Variants in ANK3 observed in about 807,000 individuals in gnomAD.
The protein encoded by ANK3 is ankyrin 3.
A neutral mutation model predicts 370.9 loss-of-function variants in ANK3; 57 were observed. The ratio of observed to expected loss-of-function variants is 0.15; its 90% confidence interval spans 0.12 to 0.19. ANK3 has a LOEUF of 0.19. Among genes scored for constraint, ANK3 ranks in the 10% least tolerant of loss-of-function variants. The pLI is 1.00. For synonymous variants in ANK3, 1,929 were observed against 1,946.3 expected, an observed-to-expected ratio of 0.99 and a Z score of 0.23; for missense variants, 4,439 against 5,302.1, an observed-to-expected ratio of 0.84 and a Z score of 5.06.
At chr10:60,137,342 C>T (rs1320435080) in intron 24 of ANK3, 7 of 318,280 alleles carry the variant, frequency 2.2e-5, no homozygotes, top group Non-Finnish European at 3.5e-5. Flanking sequence ...GTCTTCTTAC[C>T]TTATCTTGGG....
At chr10:60,681,797 C>A (rs967776517) in intron 1 of ANK3, among the ~76,000 whole-genome samples, 1 of 152,132 alleles carries the variant, frequency 6.6e-6, no homozygotes, top group African/African-American at 2.4e-5. Context: ...TATATTAAGA[C>A]CTTGATAATG....
At chr10:60,258,276 A>G (rs528570956) in intron 7 of ANK3, among the ~76,000 whole-genome samples, 82 of 152,378 alleles carry the variant, frequency 5.4e-4, no homozygotes, top group African/African-American at 2.0e-3. Context: ...TGCAGCATTC[A>G]GCAGCTACTA....
intron 24 of ANK3, chr10:60,137,404 A>C: frequency 2.9e-6 from 1 of 339,592 alleles, no homozygotes; most frequent in South Asian, 2.4e-5. Flanking sequence ...AAGAAATAGA[A>C]AGCAAAAAAT....
Position 60,695,009 on chromosome 10 carries a change from C to T in ANK3, c.57+38254G>A, listed in dbSNP as rs1318195601. Among the ~76,000 whole-genome samples, 6 of 146,352 alleles carry T rather than the reference C, an allele frequency of 4.1e-5. 1 individual carries two copies. The South Asian group carries it at 6.9e-4, about 17-fold the overall frequency. ...TGCTGTATTCAGGAAACCCATCTCA[C>T]GTGCAGAGACACACATAGGCTCAAA... On this transcript the variant is annotated intron_variant, in intron 1 of 43. Transcript: ENST00000373827.
chr10:60,527,823 A>T (rs2076509741), intron 2 of ANK3, among the ~76,000 whole-genome samples: 2 of 152,122 alleles, frequency 1.3e-5, no homozygotes, highest in Non-Finnish European at 2.9e-5. Flanking sequence ...GGAAAAGCTG[A>T]TTCAATTCAG....
chr10:60,306,924 G>A (rs957597993), intron 1 of ANK3, among the ~76,000 whole-genome samples: 6 of 152,132 alleles, frequency 3.9e-5, no homozygotes, highest in Non-Finnish European at 7.3e-5. Flanking sequence ...TGTATAGACA[G>A]GGTCTATGTT....
chr10:60,627,903 T>C (rs1328485569), intron 1 of ANK3, among the ~76,000 whole-genome samples: 1 of 152,036 alleles, frequency 6.6e-6, no homozygotes, highest in African/African-American at 2.4e-5. Flanking sequence ...CCTGGAGAGG[T>C]TAATTAACTT....
At chr10:60,327,935 G>GGT (rs140723483) in intron 1 of ANK3, among the ~76,000 whole-genome samples, 1 of 151,960 alleles carries the variant, frequency 6.6e-6, no homozygotes, top group Admixed American at 6.6e-5. Context: ...TTTTTAGAAA[G>GGT]GTGTGTGTGT....
intron 1 of ANK3, among the ~76,000 whole-genome samples, chr10:60,300,708 G>A (rs2043508292): frequency 6.6e-6 from 1 of 151,948 alleles, no homozygotes; most frequent in Non-Finnish European, 1.5e-5. Flanking sequence ...TTACTCATGA[G>A]ACCAGCTTTT....
chr10:60,641,658 G>C (rs1331560809), intron 1 of ANK3, among the ~76,000 whole-genome samples: 1 of 152,036 alleles, frequency 6.6e-6, no homozygotes, highest in Non-Finnish European at 1.5e-5. Context: ...TTAAATGTTA[G>C]ACCTAAAACC....
chr10:60,199,507 A>T (rs1423042523), intron 13 of ANK3, among the ~76,000 whole-genome samples: 1 of 152,182 alleles, frequency 6.6e-6, no homozygotes, highest in African/African-American at 2.4e-5. Context: ...ACTTGAAACT[A>T]GAGACTGCAG....
In ANK3 at chr10:60,369,097, T is replaced by TAA. The variant is rs112252854; in HGVS notation, c.114+20326_114+20327dup. 3.7e-3 allele frequency among the ~76,000 whole-genome samples: 553 copies of TAA among 151,504 alleles called. 2 individuals are homozygous for TAA. Among genetic ancestry groups the TAA allele is most frequent in the African/African-American group, 0.013 (522 of 41,316 alleles). On this transcript the variant is annotated intron_variant, in intron 1 of 43. Transcript: ENST00000280772. ...ACTGTATCTAAATTATACTTCGGTTTAAAAAAAAACTCCCTAGAAACAGTA... is the reference window on the plus strand; with the variant it reads ...ACTGTATCTAAATTATACTTCGGTTTAAAAAAAAAAACTCCCTAGAAACAGTA...
chr10:60,395,622 C>CTCTTTCAT (rs1270230402), intron 2 of ANK3, among the ~76,000 whole-genome samples: 5 of 41,154 alleles, frequency 1.2e-4, no homozygotes, highest in African/African-American at 4.4e-4. Context: ...CTTTCGTTCT[C>CTCTTTCAT]TCTCTCTCTC....
At chr10:60,455,175 C>T (rs2133046955) in intron 2 of ANK3, among the ~76,000 whole-genome samples, 1 of 152,248 alleles carries the variant, frequency 6.6e-6, no homozygotes, top group Non-Finnish European at 1.5e-5. Context: ...ACCAAATTTA[C>T]CCACTACAAA....
intron 2 of ANK3, among the ~76,000 whole-genome samples, chr10:60,585,888 G>A (rs570444570): frequency 6.6e-6 from 1 of 152,256 alleles, no homozygotes; most frequent in South Asian, 2.1e-4. Flanking sequence ...GCTCGACGTG[G>A]TGGCGGGTAC....
At chr10:60,135,389 T>C (rs2094293105) in intron 24 of ANK3, among the ~76,000 whole-genome samples, 1 of 152,238 alleles carries the variant, frequency 6.6e-6, no homozygotes, top group Non-Finnish European at 1.5e-5. Flanking sequence ...AGGCTTCCTA[T>C]TCTGCTCTCC....
chr10:60,068,062 G>A (rs2081989743), intron 37 of ANK3, 53 bp from the exon 38 acceptor site: 9 of 1,542,000 alleles, frequency 5.8e-6, no homozygotes, highest in Non-Finnish European at 8.0e-6. Context: ...ATACGATACT[G>A]GAAAATTGCT....
intron 2 of ANK3, among the ~76,000 whole-genome samples, chr10:60,395,596 C>CTTTCTTTCTTTCTTTCTTTCTTTCTT (rs1555367197): frequency 8.1e-6 from 1 of 123,858 alleles, no homozygotes; most frequent in African/African-American, 3.5e-5. Flanking sequence ...TTCTTTCTTT[C>CTTTCTTTCTTTCTTTCTTTCTTTCTT]TTTCTTTCTT....
At chr10:60,254,920 T>C (rs917633321) in intron 7 of ANK3, among the ~76,000 whole-genome samples, 2 of 152,184 alleles carry the variant, frequency 1.3e-5, no homozygotes, top group African/African-American at 2.4e-5. Context: ...AATAAATATA[T>C]ACTGAGTCCC....
Sources: gnomAD v4.1 joint callset for allele counts (sites outside exome capture counted in the v4.1 genomes callset) on GRCh38, gnomAD v4.1.1 for gene constraint, MANE v1.5 for transcripts, NCBI Gene and HGNC (gene_info 2026-07-23, HGNC 2026-07-21) for gene names.